The following COL5A1 variants were observed in gnomAD, a reference collection of about 807,000 sequenced individuals.
The protein encoded by COL5A1 is collagen type V alpha 1 chain, also known as collagen alpha-1(V) chain.
Under a neutral mutation model 263.7 loss-of-function variants are expected in COL5A1, and 16 were observed. That is an observed-to-expected ratio of 0.06 (90% CI 0.04 to 0.09). The LOEUF (loss-of-function observed/expected upper bound fraction) is 0.09. Ranked by LOEUF, COL5A1 falls within the 10% of genes least tolerant of loss-of-function variation. COL5A1 has a pLI of 1.00. For missense variants in COL5A1, 2,036 were observed against 2,540.5 expected (o/e 0.80, Z 4.27); for synonymous variants, 1,012 against 1,004.5 (o/e 1.01, Z -0.14).
At chr9:134,694,294 G>GCCCGTC (rs1392084238) in intron 2 of COL5A1, among the ~76,000 whole-genome samples, 2 of 152,236 alleles carry the variant, frequency 1.3e-5, no homozygotes, top group Admixed American at 1.3e-4. Context: ...TGGGTGCAGT[G>GCCCGTC]CCCGTCCCCG....
At chr9:134,759,385 GCACACATACGCATACACACCCACA>G (rs1473169008) in intron 18 of COL5A1, among the ~76,000 whole-genome samples, 6 of 125,254 alleles carry the variant, frequency 4.8e-5, no homozygotes, top group Admixed American at 1.8e-4. Flanking sequence ...CACCACACAT[GCACACATACGCATACACACCCACA>G]CACACCCACA....
At chr9:134,825,660 A>G in intron 62 of COL5A1, 132 bp from the exon 63 acceptor site, 2 of 652,128 alleles carry the variant, frequency 3.1e-6, no homozygotes, top group Non-Finnish European at 5.8e-6. Flanking sequence ...AACCCCAGAA[A>G]GGCCCGTGTT....
rs1313316685 is a variant in COL5A1, at chr9:134,822,122, T to C, written c.4580T>C (p.Ile1527Thr). The C allele has an allele frequency of 5.6e-6, 9 of 1,613,732 alleles. No homozygotes were observed. The highest frequency in any genetic ancestry group is 2.2e-5 in the East Asian group (1 of 44,856). Reference sequence around the variant, plus strand: ...GGTATCACTGGTCCTTCTGGCCCGATTGGGCCTCCTGGGCCCCCTGGCCTG... The same window carrying C: ...GGTATCACTGGTCCTTCTGGCCCGACTGGGCCTCCTGGGCCCCCTGGCCTG... ...EQGITGPSGP[I>T]GPPGPPGLPG... is the part of the protein sequence containing the mutation. Residue 1527 changes from isoleucine (I) to threonine (T), a missense_variant, in exon 59 of 66, where the codon ATT becomes ACT. Coordinates refer to ENST00000371817, the MANE Select transcript of COL5A1 (RefSeq NM_000093.5).
At chr9:134,744,559 CCA>C (rs1269968768) in intron 11 of COL5A1, among the ~76,000 whole-genome samples, 2 of 142,176 alleles carry the variant, frequency 1.4e-5, no homozygotes, top group Non-Finnish European at 3.1e-5. Flanking sequence ...GCACACACAT[CCA>C]CATATACATG....
At chr9:134,833,564 G>A (rs1344910878) in intron 64 of COL5A1, among the ~76,000 whole-genome samples, 3 of 152,044 alleles carry the variant, frequency 2.0e-5, no homozygotes, top group Non-Finnish European at 4.4e-5. Flanking sequence ...CTTCTGGGAA[G>A]GGGAGGAGTG....
At chr9:134,663,224 C>T (rs760737187) in intron 1 of COL5A1, among the ~76,000 whole-genome samples, 17 of 152,272 alleles carry the variant, frequency 1.1e-4, no homozygotes, top group African/African-American at 4.1e-4. Flanking sequence ...CCTGGCCTGA[C>T]CTGGGCTGGC....
intron 11 of COL5A1, among the ~76,000 whole-genome samples, chr9:134,740,864 A>G (rs1835275681): frequency 6.6e-6 from 1 of 152,218 alleles, no homozygotes. Flanking sequence ...TCAAACTCAC[A>G]TCAGGGTCCA....
chr9:134,738,400 G>T lies in COL5A1; in HGVS notation c.1390-74G>T, dbSNP rs1055740366. On this transcript the variant is annotated intron_variant, in intron 9 of 65. Transcript: ENST00000371817. ...CCTCTTGTGCATGCAGCTGAAGGCCGTCCACACCACTGGGGTCTGGGGTGT... is the reference window on the plus strand; with the variant it reads ...CCTCTTGTGCATGCAGCTGAAGGCCTTCCACACCACTGGGGTCTGGGGTGT... 3.9e-6 allele frequency: 6 copies of T among 1,554,022 alleles called. No homozygotes were observed. In the African/African-American group the frequency reaches 5.4e-5, roughly 14 times the overall value.
intron 4 of COL5A1, chr9:134,708,769 G>T (rs762947226): frequency 2.1e-6 from 1 of 466,056 alleles, no homozygotes; most frequent in Non-Finnish European, 4.3e-6. Flanking sequence ...GTCACAGCCC[G>T]GTGGCAAACA....
intron 1 of COL5A1, among the ~76,000 whole-genome samples, chr9:134,650,337 G>A (rs1355987856): frequency 6.6e-6 from 1 of 151,892 alleles, no homozygotes; most frequent in Non-Finnish European, 1.5e-5. Context: ...TTCTGCTGGC[G>A]GGTGGCCTGG....
chr9:134,797,413 C>T (rs572353106), intron 36 of COL5A1, among the ~76,000 whole-genome samples: 2 of 152,332 alleles, frequency 1.3e-5, no homozygotes, highest in South Asian at 4.1e-4. Context: ...GTGGCCTGTG[C>T]ACACTCACCC....
rs759580799 is a variant in COL5A1 at position 134,809,214 on chromosome 9, G to A, written c.3398G>A (p.Arg1133Gln). ...GEKGPQGPAG[R>Q]DGLQGPVGLP... ...AAAGGCCCACAAGGCCCAGCTGGCC[G>A]AGACGGTCTCCAGGGGCCTGTGGGG... Residue 1133 changes from arginine (R) to glutamine (Q), a missense_variant, in exon 43 of 66, where the codon CGA becomes CAA. Physicochemically the swap from Arg to Gln is conservative, Grantham distance 43. Transcript: ENST00000371817. 90 of 1,599,424 alleles carry A rather than the reference G, an allele frequency of 5.6e-5. No homozygotes were observed. Among genetic ancestry groups the A allele is most frequent in the Non-Finnish European group, 6.2e-5 (73 of 1,173,098 alleles).
intron 49 of COL5A1, 149 bp downstream of exon 49, chr9:134,814,185 C>T (rs147136654): frequency 1.4e-5 from 11 of 806,538 alleles, no homozygotes; most frequent in South Asian, 5.1e-5. Context: ...ATGGAATGAC[C>T]GTGAACAAGG....
chr9:134,800,736 ACT>A (rs1838080903), intron 37 of COL5A1, among the ~76,000 whole-genome samples: 1 of 122,798 alleles, frequency 8.1e-6, no homozygotes, highest in Admixed American at 9.4e-5. Flanking sequence ...CAGGAGTGAA[ACT>A]CTGTCTCAAA....
intron 1 of COL5A1, among the ~76,000 whole-genome samples, chr9:134,663,134 G>A (rs1018068466): frequency 1.3e-5 from 2 of 152,240 alleles, no homozygotes; most frequent in African/African-American, 4.8e-5. Context: ...TTCTCTGCAC[G>A]TTGCTGTGCT....
chr9:134,810,552 TAAATG>T (rs1384850513), intron 44 of COL5A1: 7 of 542,434 alleles, frequency 1.3e-5, no homozygotes, highest in Non-Finnish European at 1.6e-5. Flanking sequence ...CGAAATTAAA[TAAATG>T]GAGTGTTTCT....
intron 11 of COL5A1, among the ~76,000 whole-genome samples, chr9:134,746,085 A>G (rs1382189013): frequency 6.6e-6 from 1 of 152,068 alleles, no homozygotes; most frequent in Admixed American, 6.6e-5. Context: ...GTGTTTCAGG[A>G]CCTGGATGTA....
At position 134,821,735 on chromosome 9, in the gene COL5A1, G is replaced by A. The variant is rs865835940; in HGVS notation, c.4555-362G>A. Among the ~76,000 whole-genome samples the A allele has an allele frequency of 9.8e-5, 15 of 152,374 alleles. No individual in the cohort carries two copies. The highest frequency in any genetic ancestry group is 6.2e-4 in the South Asian group (3 of 4,832). On this transcript the variant is annotated intron_variant, in intron 58 of 65. Coordinates refer to ENST00000371817, the MANE Select transcript of COL5A1 (RefSeq NM_000093.5). This position sits in a 1 kb window ranked among gnomAD's most constrained non-coding sequence, Gnocchi z 4.2. The stretch of plus-strand genomic sequence containing the variant: ...TAACACCATGAGCAGGAAACAGCAA[G>A]AGGGGCCCAAGCCAGGGCCACAATG...
At chr9:134,740,234 C>T (rs946812959) in intron 11 of COL5A1, among the ~76,000 whole-genome samples, 1 of 151,622 alleles carries the variant, frequency 6.6e-6, no homozygotes, top group Non-Finnish European at 1.5e-5. Context: ...CAGCACCGGC[C>T]AAAACTCCAG....
Sources: allele counts gnomAD v4.1 joint callset (sites outside exome capture counted in the v4.1 genomes callset), GRCh38; gene constraint gnomAD v4.1.1; non-coding constraint Gnocchi (gnomAD v3.1); transcripts MANE v1.5; gene names NCBI Gene and HGNC (gene_info 2026-07-23, HGNC 2026-07-21).